ASTN1: variants seen among roughly 807,000 people sequenced by gnomAD.
ASTN1 encodes astrotactin 1.
Under a neutral mutation model 140.7 loss-of-function variants are expected in ASTN1, and 41 were observed. That is an observed-to-expected ratio of 0.29 (90% CI 0.23 to 0.38). ASTN1 has a LOEUF of 0.38. Among genes scored for constraint, ASTN1 ranks in the 10% least tolerant of loss-of-function variants. ASTN1 has a pLI of 1.00. For synonymous variants in ASTN1, 640 were observed against 652.2 expected (o/e 0.98, Z 0.29); for missense variants, 1,479 against 1,678.8 (o/e 0.88, Z 2.08).
chr1:177,016,239 G>A (rs1675538906), intron 7 of ASTN1, among the ~76,000 whole-genome samples: 1 of 147,990 alleles, frequency 6.8e-6, no homozygotes, highest in South Asian at 2.1e-4. Flanking sequence ...CTCACTACCA[G>A]ATCACACCAT....
intron 16 of ASTN1, among the ~76,000 whole-genome samples, chr1:176,912,160 G>A (rs1670270337): frequency 1.3e-5 from 2 of 152,192 alleles, no homozygotes; most frequent in African/African-American, 4.8e-5. Context: ...TAGGCTCAAG[G>A]ATACAGGCAT....
intron 15 of ASTN1, 93 bp downstream of exon 15, chr1:176,936,173 G>T: frequency 9.1e-7 from 1 of 1,093,934 alleles, no homozygotes; most frequent in Non-Finnish European, 1.4e-6. Flanking sequence ...ATTTTAGGCT[G>T]CATCTTCGAC....
intron 1 of ASTN1, among the ~76,000 whole-genome samples, chr1:177,118,009 T>C (rs768190589): frequency 1.3e-5 from 2 of 152,212 alleles, no homozygotes; most frequent in African/African-American, 2.4e-5. Flanking sequence ...AGATTATATG[T>C]ATATATATTT....
At chr1:177,037,514 G>C (rs549866159) in intron 2 of ASTN1, among the ~76,000 whole-genome samples, 94 of 152,280 alleles carry the variant, frequency 6.2e-4, no homozygotes, top group Non-Finnish European at 1.2e-3. Flanking sequence ...TTTTACCCTA[G>C]CTGTGTTCAG....
chr1:176,988,597 C>G (rs1277300657), intron 8 of ASTN1, among the ~76,000 whole-genome samples: 1 of 152,172 alleles, frequency 6.6e-6, no homozygotes, highest in Non-Finnish European at 1.5e-5. Flanking sequence ...TAATTCTACC[C>G]TTGAATATGA....
Position 177,032,845 on chromosome 1 carries a change from C to A in ASTN1, c.476G>T (p.Gly159Val), listed in dbSNP as rs1027053430. 15 of 1,597,070 alleles carry A rather than the reference C, an allele frequency of 9.4e-6. No individual in the cohort carries two copies. Among genetic ancestry groups the A allele is most frequent in the Non-Finnish European group, 1.2e-5 (14 of 1,171,618 alleles). Residue 159 changes from glycine to valine, a missense_variant, in exon 3 of 23, where the codon GGC becomes GTC. Gly to Val is a moderately radical substitution (Grantham distance 109, BLOSUM62 -3). Transcript: ENST00000361833. ...GATGGACAGCAGCAGAGCGATCATG[C>A]CACCCTAGGAAGAGAGGACCACAGA... ...LRILHISVMG[G>V]MIALLLSILC... is the part of the protein sequence containing the mutation.
At chr1:176,956,223 TCTC>T (rs970887857) in intron 11 of ASTN1, among the ~76,000 whole-genome samples, 40 of 152,284 alleles carry the variant, frequency 2.6e-4, no homozygotes, top group African/African-American at 8.2e-4. Flanking sequence ...ACCCACAGGT[TCTC>T]CTCCTACTTG....
At chr1:176,870,273 G>T (rs927805647) in intron 21 of ASTN1, among the ~76,000 whole-genome samples, 1 of 152,184 alleles carries the variant, frequency 6.6e-6, no homozygotes, top group African/African-American at 2.4e-5. Flanking sequence ...AAGTCCACAG[G>T]TTCCTAAGCC....
At chr1:177,070,097 T>C (rs1285546182) in intron 1 of ASTN1, among the ~76,000 whole-genome samples, 1 of 152,230 alleles carries the variant, frequency 6.6e-6, no homozygotes, top group East Asian at 1.9e-4. Context: ...TCATACATTG[T>C]AATGAGAATA....
chr1:177,155,316 A>G (rs939713670), intron 1 of ASTN1, among the ~76,000 whole-genome samples: 1 of 152,256 alleles, frequency 6.6e-6, no homozygotes, highest in African/African-American at 2.4e-5. Context: ...GTGAACATTC[A>G]TTAACTTTAG....
At chr1:176,985,845 T>TCTAC (rs1373839321) in intron 8 of ASTN1, among the ~76,000 whole-genome samples, 7 of 129,744 alleles carry the variant, frequency 5.4e-5, no homozygotes, top group Admixed American at 1.5e-4. Flanking sequence ...TCTCTCTCTC[T>TCTAC]ACACACACAC....
intron 2 of ASTN1, among the ~76,000 whole-genome samples, chr1:177,053,638 T>G (rs1441892852): frequency 6.6e-6 from 1 of 152,212 alleles, no homozygotes; most frequent in Non-Finnish European, 1.5e-5. Flanking sequence ...TTTTAAAAAA[T>G]CAATATGTCA....
intron 8 of ASTN1, among the ~76,000 whole-genome samples, chr1:176,993,678 C>G (rs143266151): frequency 6.6e-6 from 1 of 152,112 alleles, no homozygotes; most frequent in Non-Finnish European, 1.5e-5. Flanking sequence ...ATACTCATTG[C>G]CCCATACGCA....
At chr1:177,147,345 G>T (rs151120006) in intron 1 of ASTN1, among the ~76,000 whole-genome samples, 62 of 152,292 alleles carry the variant, frequency 4.1e-4, no homozygotes, top group East Asian at 3.9e-4. Context: ...CATTCACTAA[G>T]TAGGTACTCC....
intron 21 of ASTN1, among the ~76,000 whole-genome samples, chr1:176,875,713 G>C (rs959580839): frequency 3.9e-5 from 6 of 152,148 alleles, no homozygotes; most frequent in Non-Finnish European, 7.3e-5. Flanking sequence ...TTCTCTTACT[G>C]AAACTTGCAC....
chr1:176,905,228 A>C (rs1669934743), intron 16 of ASTN1, among the ~76,000 whole-genome samples: 1 of 152,186 alleles, frequency 6.6e-6, no homozygotes, highest in Non-Finnish European at 1.5e-5. Context: ...CACTCAGCTG[A>C]ATGTTACAAC....
At chr1:177,079,396 T>C (rs1245085885) in intron 1 of ASTN1, among the ~76,000 whole-genome samples, 1 of 152,162 alleles carries the variant, frequency 6.6e-6, no homozygotes, top group African/African-American at 2.4e-5. Flanking sequence ...ATCCCTTAAT[T>C]ATGAGAGTTA....
intron 16 of ASTN1, among the ~76,000 whole-genome samples, chr1:176,907,935 A>G (rs533877328): frequency 6.6e-6 from 1 of 152,322 alleles, no homozygotes; most frequent in East Asian, 1.9e-4. Context: ...AACAGTAGAT[A>G]TTAAAACAAT....
intron 2 of ASTN1, among the ~76,000 whole-genome samples, chr1:177,042,134 A>G (rs1373148898): frequency 1.3e-5 from 2 of 152,242 alleles, no homozygotes; most frequent in East Asian, 3.8e-4. Context: ...TAACACTGAG[A>G]TGGATCCTTA....
Sources: gnomAD v4.1 joint callset for allele counts (sites outside exome capture counted in the v4.1 genomes callset) on GRCh38, gnomAD v4.1.1 for gene constraint, MANE v1.5 for transcripts, NCBI Gene and HGNC (gene_info 2026-07-23, HGNC 2026-07-21) for gene names.